PCCA: variants seen among roughly 807,000 people sequenced by gnomAD.
PCCA encodes propionyl-CoA carboxylase alpha chain, mitochondrial.
A neutral mutation model predicts 101.3 loss-of-function variants in PCCA; 74 were observed. The ratio of observed to expected loss-of-function variants is 0.73; its 90% CI spans 0.61 to 0.89. The LOEUF is 0.89. Ranked by LOEUF, PCCA falls within the 40% of genes least tolerant of loss-of-function variation. The probability of loss-of-function intolerance (pLI) is 0.00; values close to 1 mark genes in which losing one functional copy is unlikely to be tolerated. For missense variants in PCCA, 891 were observed against 907.0 expected, an observed-to-expected ratio of 0.98 and a Z score of 0.23; for synonymous variants, 294 against 313.6, an observed-to-expected ratio of 0.94 and a Z score of 0.66.
intron 17 of PCCA, among the ~76,000 whole-genome samples, chr13:100,336,391 T>C (rs568300984): frequency 6.6e-6 from 1 of 152,334 alleles, no homozygotes; most frequent in African/African-American, 2.4e-5. Context: ...GTCAGGCTTC[T>C]TGAAAACTGC....
chr13:100,161,589 A>G (rs958653176), intron 6 of PCCA: 3 of 152,184 alleles, frequency 2.0e-5, no homozygotes, highest in Admixed American at 6.5e-5. Flanking sequence ...TTTGTTTAAC[A>G]ATTTTTTTGT....
chr13:100,529,624 T>C (rs2088204309), intron 23 of PCCA, among the ~76,000 whole-genome samples: 1 of 151,696 alleles, frequency 6.6e-6, no homozygotes, highest in African/African-American at 2.4e-5. Context: ...GCCAGGGAGG[T>C]CCTCCTCTTA....
chr13:100,190,236 T>C (rs1281099253), intron 6 of PCCA, among the ~76,000 whole-genome samples: 2 of 152,206 alleles, frequency 1.3e-5, no homozygotes, highest in Non-Finnish European at 2.9e-5. Flanking sequence ...TATTGACTTG[T>C]GATTCCTGTG....
At chr13:100,378,033 C>T (rs777600881) in intron 19 of PCCA, among the ~76,000 whole-genome samples, 45 of 152,146 alleles carry the variant, frequency 3.0e-4, no homozygotes, top group East Asian at 3.9e-4. Flanking sequence ...TATACTTGCA[C>T]GTGTTTTCAT....
intron 7 of PCCA, among the ~76,000 whole-genome samples, chr13:100,229,538 G>C (rs1057217827): frequency 2.0e-5 from 3 of 152,184 alleles, no homozygotes; most frequent in Non-Finnish European, 4.4e-5. Flanking sequence ...GTCATAGCCT[G>C]TTCCTCTTCC....
rs1337472370 is a variant in PCCA, at chr13:100,439,143, TTTTTGTAA to T, written c.1846-10108_1846-10101del. On this transcript the variant is annotated intron_variant, in intron 20 of 23. Transcript: ENST00000376285. ...GGGTTAGACCACTCACAGGCAAAAT[TTTTTGTAA>T]ACCAGAGAGTGTTTACAGATAGAGA... 4.6e-5 allele frequency among the ~76,000 whole-genome samples: 7 copies of T among 152,280 alleles called. No individual in the cohort carries two copies. The South Asian group carries it at 1.2e-3, about 27-fold the overall frequency.
chr13:100,482,761 C>G (rs2152970800), intron 21 of PCCA, among the ~76,000 whole-genome samples: 1 of 152,256 alleles, frequency 6.6e-6, no homozygotes, highest in South Asian at 2.1e-4. Context: ...TGGCTCACGC[C>G]TGTAATCCCA....
intron 1 of PCCA, among the ~76,000 whole-genome samples, chr13:100,098,781 T>A (rs1010198059): frequency 3.3e-5 from 5 of 152,124 alleles, no homozygotes; most frequent in African/African-American, 1.2e-4. Flanking sequence ...GTCTTGAACA[T>A]CTCTCTCAAA....
chr13:100,523,092 G>T (rs1050369036), intron 22 of PCCA, among the ~76,000 whole-genome samples: 1 of 152,182 alleles, frequency 6.6e-6, no homozygotes, highest in Non-Finnish European at 1.5e-5. Context: ...TCTGCAGTTT[G>T]AATGATCGGC....
intron 8 of PCCA, among the ~76,000 whole-genome samples, chr13:100,253,739 C>T (rs1457388514): frequency 6.6e-6 from 1 of 151,740 alleles, no homozygotes; most frequent in African/African-American, 2.4e-5. Flanking sequence ...GTTGGAGGTT[C>T]AGTGTCAGTA....
In PCCA at chr13:100,408,922, T is replaced by C. The variant is rs117265985; in HGVS notation, c.1747-16711T>C. Reference sequence around the variant, plus strand: ...AAAAAATGCCTAGGAAAGAACCTTTTATTCTCATGCAAGTGGTTCTTTCAC... The same window carrying C: ...AAAAAATGCCTAGGAAAGAACCTTTCATTCTCATGCAAGTGGTTCTTTCAC... On this transcript the variant is annotated intron_variant, in intron 19 of 23. Transcript: ENST00000376285. Among the ~76,000 whole-genome samples, 75 of 152,338 alleles carry C rather than the reference T, an allele frequency of 4.9e-4. No individual in the cohort carries two copies. In the East Asian group the frequency reaches 0.014, roughly 29 times the overall value.
chr13:100,260,360 A>G (rs1350684838), intron 9 of PCCA, among the ~76,000 whole-genome samples: 2 of 150,310 alleles, frequency 1.3e-5, no homozygotes, highest in African/African-American at 4.9e-5. Flanking sequence ...GCAGTGTTGT[A>G]CAAAAACAAG....
intron 8 of PCCA, among the ~76,000 whole-genome samples, chr13:100,244,284 G>T (rs150148592): frequency 1.3e-5 from 2 of 152,158 alleles, no homozygotes; most frequent in East Asian, 3.8e-4. Context: ...TTTGAGATTA[G>T]AATGATATTC....
At chr13:100,190,921 C>G (rs1431891760) in intron 6 of PCCA, among the ~76,000 whole-genome samples, 2 of 151,914 alleles carry the variant, frequency 1.3e-5, no homozygotes, top group African/African-American at 4.8e-5. Context: ...ATGGTGAAAC[C>G]CCATCTCTAC....
At chr13:100,309,023 A>T (rs2152695527) in intron 15 of PCCA, among the ~76,000 whole-genome samples, 1 of 151,142 alleles carries the variant, frequency 6.6e-6, no homozygotes, top group East Asian at 1.9e-4. Context: ...TATATGTAAA[A>T]CTGCAAATGA....
chr13:100,318,966 T>C (rs1401944494), intron 16 of PCCA, among the ~76,000 whole-genome samples: 1 of 152,126 alleles, frequency 6.6e-6, no homozygotes, highest in Admixed American at 6.5e-5. Context: ...GTAAAAGTGT[T>C]CCTATTTCTC....
chr13:100,348,727 CCTTTCTTTCTTTCTTTCTTTCTTTCTTT>C (rs139583993), intron 18 of PCCA, among the ~76,000 whole-genome samples: 57 of 99,620 alleles, frequency 5.7e-4, no homozygotes, highest in African/African-American at 2.0e-3. Context: ...CGTTTTTTTT[CCTTTCTTTCTTTCTTTCTTTCTTTCTTT>C]CTTTCTTTCT....
Position 100,324,955 on chromosome 13 carries a change from G to A in PCCA, c.1430-5606G>A, listed in dbSNP as rs188156129. On this transcript the variant is annotated intron_variant, in intron 16 of 23. Coordinates refer to ENST00000376285, the MANE Select transcript of PCCA (RefSeq NM_000282.4). ...ACAGAATCCATACAAAGTGCTACTAGTAATGCTGGAGGTCCTCCCAAGAAG... is the reference window on the plus strand; with the variant it reads ...ACAGAATCCATACAAAGTGCTACTAATAATGCTGGAGGTCCTCCCAAGAAG... 8.9e-4 allele frequency among the ~76,000 whole-genome samples: 136 copies of A among 152,264 alleles called. 3 individuals are homozygous for A. The highest frequency in any genetic ancestry group is 8.7e-3 in the Admixed American group (133 of 15,290).
At chr13:100,262,861 T>C (rs2062625105) in intron 10 of PCCA, 30 bp downstream of exon 10, 2 of 872,050 alleles carry the variant, frequency 2.3e-6, no homozygotes. Context: ...TTTTTCATTA[T>C]TATTTTAAAA....
Sources: allele counts gnomAD v4.1 joint callset (sites outside exome capture counted in the v4.1 genomes callset), GRCh38; gene constraint gnomAD v4.1.1; transcripts MANE v1.5; gene names NCBI Gene and HGNC (gene_info 2026-07-23, HGNC 2026-07-21).